HUNK: variants seen among roughly 807,000 people sequenced by gnomAD.
HUNK encodes the protein hormonally up-regulated neu tumor-associated kinase.
A neutral mutation model predicts 61.0 loss-of-function variants in HUNK; 21 were observed. The observed-to-expected ratio is 0.34, with a 90% confidence interval of 0.24 to 0.50. The LOEUF (loss-of-function observed/expected upper bound fraction) is 0.50, where lower values mean the gene tolerates loss of function less well. Ranked by LOEUF, HUNK falls within the 20% of genes least tolerant of loss-of-function variation. The pLI, the probability that HUNK is intolerant of heterozygous loss-of-function variation, is 0.98. For missense variants in HUNK, 772 were observed against 945.7 expected (o/e 0.82, Z 2.41); for synonymous variants, 371 against 386.1 (o/e 0.96, Z 0.46).
At chr21:31,987,113 A>T (rs1218972719) in intron 8 of HUNK, among the ~76,000 whole-genome samples, 4 of 152,220 alleles carry the variant, frequency 2.6e-5, no homozygotes, top group African/African-American at 9.6e-5. Context: ...AGTCTCAGAA[A>T]ATGGATAGGT....
chr21:31,926,533 A>G (rs940908111), intron 2 of HUNK, among the ~76,000 whole-genome samples: 3 of 151,970 alleles, frequency 2.0e-5, no homozygotes, highest in African/African-American at 7.3e-5. Context: ...GGCAACTACT[A>G]ATTTACTTTC....
chr21:31,947,111 G>T (rs909215553), intron 4 of HUNK, among the ~76,000 whole-genome samples: 1 of 149,380 alleles, frequency 6.7e-6, no homozygotes, highest in African/African-American at 2.5e-5. Flanking sequence ...AACCAGTGGC[G>T]CCTATGCATT....
rs778625638 is a variant in HUNK at position 31,990,129 on chromosome 21, G to A, written c.1258G>A (p.Ala420Thr). 12 of 1,613,802 alleles carry A rather than the reference G, an allele frequency of 7.4e-6. No individual in the cohort carries two copies. Among genetic ancestry groups the A allele is most frequent in the Non-Finnish European group, 3.4e-6 (4 of 1,179,756 alleles). ...KYRAPKESYE[A>T]SLDTWTRDLE... Reference sequence around the variant, plus strand: ...TGTTGAAGGATGTTCCTTTTCACAGGCCTCTCTGGACACCTGGACACGAGA... The same window carrying A: ...TGTTGAAGGATGTTCCTTTTCACAGACCTCTCTGGACACCTGGACACGAGA... Residue 420 changes from alanine (A) to threonine (T), a missense_variant and splice_region_variant, in exon 9 of 11, where the codon GCC (alanine) becomes ACC (threonine). Physicochemically the swap from Ala to Thr is moderately conservative, Grantham distance 58. Coordinates refer to ENST00000270112, the MANE Select transcript of HUNK (RefSeq NM_014586.2).
At position 32,000,961 on chromosome 21, in the gene HUNK, A is replaced by G. The variant is rs747043815; in HGVS notation, c.*1777A>G. Reference sequence around the variant, plus strand: ...TTTGTATAGCTTCAGACTGGGTTCCAGAACTTACCATTGAAAACAGAGCTT... The same window carrying G: ...TTTGTATAGCTTCAGACTGGGTTCCGGAACTTACCATTGAAAACAGAGCTT... On this transcript the variant is annotated 3_prime_UTR_variant, in exon 11 of 11. Transcript: ENST00000270112. 2.6e-6 allele frequency: 1 copy of G among 382,928 alleles called. No homozygotes were observed. The highest frequency in any genetic ancestry group is 4.6e-6 in the Non-Finnish European group (1 of 216,812). The allele number at this position is 382,928 out of a possible 1,614,324, so 23.7% of individuals were successfully genotyped here. A position where few individuals can be genotyped will look rare whatever the true frequency, so the allele number is the denominator to read the frequency against.
rs1036681186 is a variant in HUNK at position 31,924,340 on chromosome 21, T to C, written c.262-128T>C. On this transcript the variant is annotated intron_variant, in intron 1 of 10. Transcript: ENST00000270112. This position sits in a 1 kb window ranked among gnomAD's most constrained non-coding sequence, Gnocchi z 5.1. ...GTATATATATATTTTCTGTTGATGC[T>C]GTTTTAGGTAAGGTGTTTCTCCTCT... 4.3e-6 allele frequency: 3 copies of C among 690,022 alleles called. No homozygotes were observed. The highest frequency in any genetic ancestry group is 1.8e-5 in the African/African-American group (1 of 55,316). 42.7% of individuals were successfully genotyped at this position (690,022 alleles called of 1,614,324 possible).
At position 31,968,749 on chromosome 21, in the gene HUNK, T is replaced by A. The variant is rs71314155; in HGVS notation, c.1010+364T>A. Among the ~76,000 whole-genome samples the A allele has an allele frequency of 2.4e-3, 225 of 95,118 alleles. 2 individuals are homozygous for A. Among genetic ancestry groups the A allele is most frequent in the South Asian group, 0.018 (58 of 3,164 alleles). 62.4% of individuals were successfully genotyped at this position (95,118 alleles called of 152,430 possible). ...GTGTGTGTGTGTGTGTGTGTGTGTGTGTGTGAGAGAGAGAGAGTGAGTGTC... is the reference window on the plus strand; with the variant it reads ...GTGTGTGTGTGTGTGTGTGTGTGTGAGTGTGAGAGAGAGAGAGTGAGTGTC... On this transcript the variant is annotated intron_variant, in intron 6 of 10. Transcript: ENST00000270112.
intron 8 of HUNK, among the ~76,000 whole-genome samples, chr21:31,986,875 GCC>G (rs2053137104): frequency 6.6e-6 from 1 of 152,094 alleles, no homozygotes; most frequent in African/African-American, 2.4e-5. Flanking sequence ...GATCCTATCT[GCC>G]TACCACGTTC....
chr21:31,966,593 C>A (rs748533267), intron 5 of HUNK, among the ~76,000 whole-genome samples: 16 of 152,160 alleles, frequency 1.1e-4, no homozygotes, highest in South Asian at 2.1e-4. Context: ...TCTGGCATCA[C>A]AACTGGCCCC....
chr21:31,879,304 A>C (rs949203403), intron 1 of HUNK, among the ~76,000 whole-genome samples: 5 of 152,226 alleles, frequency 3.3e-5, no homozygotes, highest in African/African-American at 1.2e-4. Context: ...ACTTCTTGGC[A>C]AGAAGGAGGC....
chr21:31,955,540 G>A (rs1173812272), intron 4 of HUNK, among the ~76,000 whole-genome samples: 1 of 152,096 alleles, frequency 6.6e-6, no homozygotes, highest in Non-Finnish European at 1.5e-5. Flanking sequence ...GCAGTGAGCC[G>A]AGATCGCGCC....
rs1056861225 is a variant in HUNK at position 31,903,467 on chromosome 21, G to C, written c.262-21001G>C. ...TTCGCTAGGTACTAAAAATACTGTG[G>C]AGTTGAAAATAATTTTCATTCTTGG... On this transcript the variant is annotated intron_variant, in intron 1 of 10. Coordinates refer to ENST00000270112, the MANE Select transcript of HUNK (RefSeq NM_014586.2). Among the ~76,000 whole-genome samples, 4 of 151,962 alleles carry C rather than the reference G, an allele frequency of 2.6e-5. No individual in the cohort carries two copies. In the East Asian group the frequency reaches 5.8e-4, roughly 22 times the overall value.
intron 4 of HUNK, among the ~76,000 whole-genome samples, chr21:31,949,586 C>A (rs1221268539): frequency 6.6e-6 from 1 of 152,132 alleles, no homozygotes; most frequent in Non-Finnish European, 1.5e-5. Flanking sequence ...CACACACACA[C>A]ACACACACGC....
chr21:31,929,244 TTTG>T (rs2052681052), intron 2 of HUNK, among the ~76,000 whole-genome samples: 2 of 149,584 alleles, frequency 1.3e-5, no homozygotes, highest in Admixed American at 6.7e-5. Context: ...ACAAGTAGGT[TTTG>T]TTTTTTTTTT....
chr21:31,875,167 C>A (rs62221618), intron 1 of HUNK, among the ~76,000 whole-genome samples: 12,609 of 152,270 alleles, frequency 0.083, 645 homozygotes, highest in Middle Eastern at 0.17. Flanking sequence ...GAGCCCTCTG[C>A]CTTCCGACCT....
At chr21:31,972,208 G>C (rs1392370270) in intron 6 of HUNK, among the ~76,000 whole-genome samples, 1 of 152,094 alleles carries the variant, frequency 6.6e-6, no homozygotes, top group African/African-American at 2.4e-5. Context: ...TGGTGGGAGG[G>C]GAGGAGGTCG....
intron 8 of HUNK, among the ~76,000 whole-genome samples, chr21:31,986,983 G>T (rs2053137887): frequency 6.6e-6 from 1 of 152,114 alleles, no homozygotes; most frequent in Non-Finnish European, 1.5e-5. Context: ...CAGAAGAGTG[G>T]GCTCTGAGTC....
rs1213782034 is a variant in HUNK at position 31,958,871 on chromosome 21, G to A, written c.775G>A (p.Gly259Arg). Residue 259 changes from glycine to arginine, a missense_variant, in exon 5 of 11, where the codon GGG (glycine) becomes AGG (arginine). By Grantham distance (125) the Gly-to-Arg change is moderately radical. Transcript: ENST00000270112. ...IGVNMYAMLTGTLPFTVEPFS... is the reference protein window; with the variant it reads ...IGVNMYAMLTRTLPFTVEPFS... ...TGTGAACATGTATGCCATGTTGACC[G>A]GGACGCTGCCTTTCACGGTGGAGCC... The A allele has an allele frequency of 1.2e-6, 2 of 1,608,348 alleles. No individual in the cohort carries two copies. Among genetic ancestry groups the A allele is most frequent in the African/African-American group, 2.7e-5 (2 of 74,722 alleles).
chr21:31,918,141 T>A (rs991612350), intron 1 of HUNK, among the ~76,000 whole-genome samples: 2 of 152,178 alleles, frequency 1.3e-5, no homozygotes, highest in South Asian at 4.1e-4. Context: ...CCCATTTCAG[T>A]TGTTATAGAT....
In HUNK at chr21:31,928,567, G is replaced by A. The variant is rs972433472; in HGVS notation, c.554+3807G>A. Among the ~76,000 whole-genome samples, 3 of 152,272 alleles carry A rather than the reference G, an allele frequency of 2.0e-5. 1 individual carries two copies. The South Asian group carries it at 6.2e-4, about 32-fold the overall frequency. On this transcript the variant is annotated intron_variant, in intron 2 of 10. Coordinates refer to ENST00000270112, the MANE Select transcript of HUNK (RefSeq NM_014586.2). ...ATGGCAAGGGCTCAGATCTTTTAAA[G>A]TTAGAGAAGACTGGAGATACAGGGA...
Sources: gnomAD v4.1 joint callset for allele counts (sites outside exome capture counted in the v4.1 genomes callset) on GRCh38, gnomAD v4.1.1 for gene constraint, Gnocchi (gnomAD v3.1) non-coding constraint, MANE v1.5 for transcripts, NCBI Gene and HGNC (gene_info 2026-07-23, HGNC 2026-07-21) for gene names.